Variants in TPP2 observed in about 807,000 individuals in gnomAD.
The protein encoded by TPP2 is tripeptidyl-peptidase 2.
TPP2 carries 34 observed loss-of-function variants against 155.9 expected under a neutral mutation model. That is an observed-to-expected ratio of 0.22 (90% CI 0.17 to 0.29). The LOEUF (loss-of-function observed/expected upper bound fraction) is 0.29. Ranked by LOEUF, TPP2 falls within the 10% of genes least tolerant of loss-of-function variation. The pLI, the probability that TPP2 is intolerant of heterozygous loss-of-function variation, is 1.00. For missense variants in TPP2, 1,028 were observed against 1,522.3 expected (o/e 0.68, Z 5.40); for synonymous variants, 510 against 529.4 (o/e 0.96, Z 0.50).
chr13:102,617,728 C>G (rs1193994301), intron 4 of TPP2, among the ~76,000 whole-genome samples: 1 of 152,168 alleles, frequency 6.6e-6, no homozygotes, highest in Non-Finnish European at 1.5e-5. Context: ...ATATTAAGTG[C>G]TTTTGATCAA....
intron 2 of TPP2, among the ~76,000 whole-genome samples, chr13:102,609,985 T>C (rs1880155952): frequency 6.6e-6 from 1 of 152,194 alleles, no homozygotes; most frequent in Admixed American, 6.5e-5. Context: ...GCCAGTCTTC[T>C]TAGTCAGAAC....
chr13:102,658,243 C>T (rs955314910), intron 25 of TPP2, among the ~76,000 whole-genome samples: 2 of 152,190 alleles, frequency 1.3e-5, no homozygotes, highest in African/African-American at 2.4e-5. Flanking sequence ...ATTATGTATG[C>T]ATCCTTGCAG....
At chr13:102,608,675 A>G (rs574850016) in intron 2 of TPP2, among the ~76,000 whole-genome samples, 8 of 152,232 alleles carry the variant, frequency 5.3e-5, no homozygotes, top group African/African-American at 1.7e-4. Context: ...TCTCTGAGAT[A>G]AAATTTTAAT....
chr13:102,653,236 GA>G (rs534269401), intron 24 of TPP2, among the ~76,000 whole-genome samples: 7 of 151,964 alleles, frequency 4.6e-5, no homozygotes, highest in East Asian at 3.9e-4. Flanking sequence ...ACATTACAAA[GA>G]AAAAAATACA....
intron 15 of TPP2, 53 bp downstream of exon 15, chr13:102,638,368 A>G (rs926379814): frequency 3.8e-5 from 59 of 1,544,784 alleles, no homozygotes; most frequent in Non-Finnish European, 4.9e-5. Flanking sequence ...TTTAATGACT[A>G]TTCATGGAGT....
intron 5 of TPP2, among the ~76,000 whole-genome samples, chr13:102,621,984 C>T (rs948934763): frequency 2.0e-5 from 3 of 152,078 alleles, no homozygotes; most frequent in African/African-American, 7.2e-5. Context: ...TTTCCTATAC[C>T]TTCGTATATT....
At chr13:102,628,863 T>C (rs1348860230) in intron 8 of TPP2, among the ~76,000 whole-genome samples, 3 of 152,200 alleles carry the variant, frequency 2.0e-5, no homozygotes, top group African/African-American at 7.2e-5. Context: ...AGCCCTCTTT[T>C]GCTAATATTC....
In TPP2 at chr13:102,664,787, C is replaced by G; in HGVS notation, c.3241-8C>G. 6.2e-7 allele frequency: 1 copy of G among 1,605,582 alleles called. No individual in the cohort carries two copies. Among genetic ancestry groups the G allele is most frequent in the Non-Finnish European group, 8.5e-7 (1 of 1,177,566 alleles). On this transcript the variant is annotated splice_polypyrimidine_tract_variant and splice_region_variant and intron_variant, in intron 26 of 29. Coordinates refer to ENST00000376052, the MANE Select transcript of TPP2 (RefSeq NM_001330588.2). ...CCTATTTTTTATTATTTCTTTTTTC[C>G]TCTCCAGGAACGAATGAAAAGACTT...
chr13:102,636,102 G>A, intron 12 of TPP2, 122 bp from the exon 13 acceptor site: 1 of 954,960 alleles, frequency 1.0e-6, no homozygotes, highest in Admixed American at 3.0e-5. Flanking sequence ...AGGTAGTTTT[G>A]AGAGGTGAAT....
At chr13:102,644,484 A>G (rs956444550) in intron 17 of TPP2, 73 bp from the exon 18 acceptor site, 101 of 1,294,274 alleles carry the variant, frequency 7.8e-5, no homozygotes, top group Non-Finnish European at 6.4e-5. Context: ...TTGCTCTGAA[A>G]CAGCTAGTAT....
intron 2 of TPP2, among the ~76,000 whole-genome samples, chr13:102,609,768 C>A (rs1442166988): frequency 6.6e-6 from 1 of 152,032 alleles, no homozygotes; most frequent in Non-Finnish European, 1.5e-5. Flanking sequence ...GAAATCCACC[C>A]CCATGATCCA....
At chr13:102,621,491 G>T (rs1277704081) in intron 5 of TPP2, among the ~76,000 whole-genome samples, 1 of 152,184 alleles carries the variant, frequency 6.6e-6, no homozygotes, top group Non-Finnish European at 1.5e-5. Context: ...AGGTAGAAAG[G>T]GTGGGGGAAA....
rs765603975 is a variant in TPP2 at position 102,644,947 on chromosome 13, C to G, written c.2331C>G (p.Ser777=). 11 of 1,613,856 alleles carry G rather than the reference C, an allele frequency of 6.8e-6. No individual in the cohort carries two copies. The highest frequency in any genetic ancestry group is 9.3e-6 in the Non-Finnish European group (11 of 1,179,948). The change falls in exon 19 of 30, where the codon TCC becomes TCG. Residue 777 remains serine (S), a synonymous_variant. Transcript: ENST00000376052. The part of the protein sequence containing the change: ...SEGINRFDVQ[S]SLKYEDLAPC... ...GAATCAACCGCTTTGATGTTCAGTCCTCCTTGAAATACGAAGATCTGGCTC... is the reference window on the plus strand; with the variant it reads ...GAATCAACCGCTTTGATGTTCAGTCGTCCTTGAAATACGAAGATCTGGCTC...
At chr13:102,672,328 A>G (rs976351072) in intron 27 of TPP2, among the ~76,000 whole-genome samples, 36 of 152,290 alleles carry the variant, frequency 2.4e-4, no homozygotes, top group African/African-American at 8.7e-4. Flanking sequence ...CCCAAGTAGA[A>G]AGCAGTCCTG....
At chr13:102,604,015 A>C (rs1172515363) in intron 1 of TPP2, among the ~76,000 whole-genome samples, 1 of 152,214 alleles carries the variant, frequency 6.6e-6, no homozygotes, top group African/African-American at 2.4e-5. Context: ...TGAGGAGTCA[A>C]CTGAAGTAAA....
Position 102,604,921 on chromosome 13 carries a change from G to T in TPP2, c.294G>T (p.Lys98Asn), listed in dbSNP as rs759697111. 8 of 1,604,680 alleles carry T rather than the reference G, an allele frequency of 5.0e-6. No homozygotes were observed. In the South Asian group the frequency reaches 5.7e-5, roughly 11 times the overall value. Reference protein sequence around the residue: ...EIVGLSGRVLKIPASWTNPSG... With the variant: ...EIVGLSGRVLNIPASWTNPSG... ...TTGGCCTTTCAGGAAGAGTGCTTAA[G>T]GTGAGACCTTTTGTCTTCTTTTTGA... The change falls in exon 2 of 30, where the codon AAG becomes AAT. Residue 98 changes from lysine (K) to asparagine (N), a missense_variant and splice_region_variant. Lys to Asn is a moderately conservative substitution (Grantham distance 94). Transcript: ENST00000376052.
chr13:102,614,277 GA>G, intron 3 of TPP2, 81 bp downstream of exon 3: 2 of 1,234,582 alleles, frequency 1.6e-6, no homozygotes, highest in South Asian at 3.1e-5. Context: ...TGAAGAAAAA[GA>G]AATATTTCAT....
chr13:102,637,332 T>C, intron 14 of TPP2, 93 bp downstream of exon 14: 1 of 1,379,536 alleles, frequency 7.2e-7, no homozygotes, highest in South Asian at 1.4e-5. Context: ...TATATTGCTT[T>C]CTTGCTAAGA....
chr13:102,673,526 T>C (rs1885109886), intron 27 of TPP2, among the ~76,000 whole-genome samples: 1 of 152,204 alleles, frequency 6.6e-6, no homozygotes, highest in Non-Finnish European at 1.5e-5. Context: ...CAATGATTTA[T>C]TGAGTTTCCA....
Sources: allele counts gnomAD v4.1 joint callset (sites outside exome capture counted in the v4.1 genomes callset), GRCh38; gene constraint gnomAD v4.1.1; transcripts MANE v1.5; gene names NCBI Gene and HGNC (gene_info 2026-07-23, HGNC 2026-07-21).